The following SLC12A1 variants were observed in gnomAD, a reference collection of about 807,000 sequenced individuals.
SLC12A1 encodes the protein Na-K-2Cl cotransporter.
Under a neutral mutation model 130.4 loss-of-function variants are expected in SLC12A1, and 89 were observed. That is an observed-to-expected ratio of 0.68 (90% CI 0.58 to 0.81). SLC12A1 has a LOEUF of 0.81. Among genes scored for constraint, SLC12A1 ranks in the 40% least tolerant of loss-of-function variants. The pLI, the probability that SLC12A1 is intolerant of heterozygous loss-of-function variation, is 0.00. For missense variants in SLC12A1, 1,310 were observed against 1,336.4 expected (o/e 0.98, Z 0.31); for synonymous variants, 499 against 460.0 (o/e 1.08, Z -1.09).
chr15:48,210,298 G>A (rs186715483), intron 2 of SLC12A1, among the ~76,000 whole-genome samples: 169 of 152,168 alleles, frequency 1.1e-3, no homozygotes, highest in Admixed American at 0.01. Flanking sequence ...ACTCTACCAC[G>A]TCACACATGA....
Position 48,269,682 on chromosome 15 carries a change from CCAAA to C in SLC12A1, c.2323_2326del (p.Asn775LeufsTer3). The C allele has an allele frequency of 1.2e-6, 2 of 1,611,182 alleles. No individual in the cohort carries two copies. Among genetic ancestry groups the C allele is most frequent in the Non-Finnish European group, 1.7e-6 (2 of 1,177,876 alleles). On this transcript the variant is annotated frameshift_variant, in exon 19 of 27. Transcript: ENST00000380993. LOFTEE classifies it high-confidence loss of function. ...GGCCTCAGGCTTAGGAAGAATGAAA[CCAAA>C]CACTCTGGTGATTGGATATAAGAAA... is the stretch of plus-strand genomic sequence containing the variant.
chr15:48,247,637 G>C (rs1597425562), intron 13 of SLC12A1, among the ~76,000 whole-genome samples, 177 bp downstream of exon 13: 1 of 152,114 alleles, frequency 6.6e-6, no homozygotes, highest in Non-Finnish European at 1.5e-5. Flanking sequence ...AGGAACTCGA[G>C]GTAGACTTTG....
intron 19 of SLC12A1, among the ~76,000 whole-genome samples, chr15:48,270,514 C>T (rs1241842732): frequency 6.6e-6 from 1 of 150,486 alleles, no homozygotes; most frequent in South Asian, 2.1e-4. Flanking sequence ...GGAATTCCAA[C>T]CCAGGACTAT....
chr15:48,233,882 T>C (rs1413397709), intron 8 of SLC12A1, among the ~76,000 whole-genome samples: 3 of 152,196 alleles, frequency 2.0e-5, no homozygotes, highest in Admixed American at 6.5e-5. Flanking sequence ...CACATTTTTT[T>C]CCTCTCCTTT....
chr15:48,241,401 G>C (rs910570657), intron 9 of SLC12A1, 114 bp from the exon 10 acceptor site: 70 of 818,008 alleles, frequency 8.6e-5, no homozygotes, highest in Non-Finnish European at 1.2e-4. Flanking sequence ...TCTTTTCTTA[G>C]AACTTGCCTC....
At chr15:48,278,303 C>T (rs1000357512) in intron 20 of SLC12A1, among the ~76,000 whole-genome samples, 3 of 152,246 alleles carry the variant, frequency 2.0e-5, no homozygotes, top group Non-Finnish European at 4.4e-5. Flanking sequence ...TTCTTGTTCA[C>T]ACATAGCATT....
At chr15:48,260,726 A>G (rs1173563077) in intron 17 of SLC12A1, among the ~76,000 whole-genome samples, 2 of 152,126 alleles carry the variant, frequency 1.3e-5, no homozygotes, top group East Asian at 1.9e-4. Flanking sequence ...CACTACTTAA[A>G]TCTCCAATAC....
chr15:48,272,968 C>T (rs964141895), intron 19 of SLC12A1, among the ~76,000 whole-genome samples: 3 of 151,714 alleles, frequency 2.0e-5, no homozygotes, highest in African/African-American at 4.8e-5. Flanking sequence ...ATTAGCCTGG[C>T]GTGGTGGTGC....
chr15:48,291,644 C>A (rs1193386333), intron 23 of SLC12A1, 134 bp from the exon 24 acceptor site: 10 of 653,652 alleles, frequency 1.5e-5, no homozygotes, highest in Non-Finnish European at 2.2e-5. Flanking sequence ...CAAACACCAA[C>A]CAAAAAGCCT....
intron 24 of SLC12A1, among the ~76,000 whole-genome samples, chr15:48,296,981 A>G (rs1304633729): frequency 6.6e-6 from 1 of 152,208 alleles, no homozygotes; most frequent in Non-Finnish European, 1.5e-5. Flanking sequence ...ATTGCAAGTA[A>G]AAGAAAACTT....
chr15:48,279,764 G>A (rs1372505344), intron 20 of SLC12A1, among the ~76,000 whole-genome samples: 1 of 152,210 alleles, frequency 6.6e-6, no homozygotes, highest in East Asian at 1.9e-4. Context: ...AGTATTCCAT[G>A]TAAGTACAGC....
intron 15 of SLC12A1, 129 bp from the exon 16 acceptor site, chr15:48,255,682 C>T: frequency 1.6e-6 from 1 of 626,844 alleles, no homozygotes. Flanking sequence ...TATATTTTCT[C>T]TAATTTGGGC....
intron 20 of SLC12A1, among the ~76,000 whole-genome samples, chr15:48,280,849 T>TACAC (rs149293315): frequency 2.0e-5 from 3 of 151,446 alleles, no homozygotes; most frequent in Non-Finnish European, 4.4e-5. Context: ...CACACACACA[T>TACAC]ACACACACAC....
chr15:48,221,432 G>A lies in SLC12A1; in HGVS notation c.628+436G>A. 1.0e-5 allele frequency: 7 copies of A among 694,368 alleles called. 1 individual carries two copies. The South Asian group carries it at 1.1e-4, about 11-fold the overall frequency. The allele number at this position is 694,368 out of a possible 1,614,324, so 43.0% of individuals were successfully genotyped here. ...ATGTGACCTGACTAATAAAAATGCT[G>A]AATTGTTGAACTTTTTCCAAAGAAA... On this transcript the variant is annotated intron_variant, in intron 4 of 26. Coordinates refer to ENST00000380993, the MANE Select transcript of SLC12A1 (RefSeq NM_000338.3).
chr15:48,238,221 T>C (rs2041461397), intron 9 of SLC12A1, among the ~76,000 whole-genome samples: 1 of 152,114 alleles, frequency 6.6e-6, no homozygotes, highest in Non-Finnish European at 1.5e-5. Context: ...CACAGTATAG[T>C]AGATGAGGAA....
chr15:48,210,983 A>G (rs1441563512), intron 2 of SLC12A1, among the ~76,000 whole-genome samples: 1 of 152,224 alleles, frequency 6.6e-6, no homozygotes. Context: ...ATAAAATGAA[A>G]CTAAAGACTG....
intron 17 of SLC12A1, among the ~76,000 whole-genome samples, chr15:48,265,210 A>G (rs2041820029): frequency 6.6e-6 from 1 of 152,220 alleles, no homozygotes; most frequent in African/African-American, 2.4e-5. Flanking sequence ...GAGATTCTGC[A>G]TGAAACATTT....
chr15:48,235,660 T>C (rs2041431511), intron 9 of SLC12A1, among the ~76,000 whole-genome samples: 1 of 151,798 alleles, frequency 6.6e-6, no homozygotes, highest in Non-Finnish European at 1.5e-5. Flanking sequence ...CAAAAATAAA[T>C]AAAATGTATG....
At chr15:48,275,606 A>T (rs2041944035) in intron 20 of SLC12A1, among the ~76,000 whole-genome samples, 1 of 152,168 alleles carries the variant, frequency 6.6e-6, no homozygotes, top group African/African-American at 2.4e-5. Context: ...TGAGGGAGAG[A>T]AAAGTAAGGA....
Sources: allele counts gnomAD v4.1 joint callset (sites outside exome capture counted in the v4.1 genomes callset), GRCh38; gene constraint gnomAD v4.1.1; transcripts MANE v1.5; gene names NCBI Gene and HGNC (gene_info 2026-07-23, HGNC 2026-07-21).